Variants in SP140L observed in about 807,000 individuals in gnomAD.
SP140L encodes SP140 like nuclear body protein.
Under a neutral mutation model 84.3 loss-of-function variants are expected in SP140L, and 64 were observed. The observed-to-expected ratio is 0.76, with a 90% confidence interval of 0.62 to 0.94. SP140L has a LOEUF of 0.94. SP140L is among the 40% of genes least tolerant of loss of function. The pLI is 0.00. For missense variants in SP140L, 628 were observed against 692.5 expected (o/e 0.91, Z 1.05); for synonymous variants, 242 against 236.9 (o/e 1.02, Z -0.20).
intron 1 of SP140L, among the ~76,000 whole-genome samples, chr2:230,328,467 T>A (rs1482389666): frequency 6.6e-6 from 1 of 152,228 alleles, no homozygotes; most frequent in East Asian, 1.9e-4. Context: ...GGTGGAAATC[T>A]TAGAGATCTT....
intron 7 of SP140L, among the ~76,000 whole-genome samples, chr2:230,380,518 T>C (rs1354348381): frequency 6.6e-6 from 1 of 152,184 alleles, no homozygotes; most frequent in Non-Finnish European, 1.5e-5. Flanking sequence ...TGCACAAGTA[T>C]TAAGAGTACC....
intron 7 of SP140L, among the ~76,000 whole-genome samples, chr2:230,380,473 T>C (rs1458439912): frequency 6.6e-6 from 1 of 152,212 alleles, no homozygotes; most frequent in Admixed American, 6.5e-5. Context: ...TACTTCTGCA[T>C]GCATTCTTTT....
intron 16 of SP140L, 55 bp from the exon 17 acceptor site, chr2:230,401,311 A>G: frequency 6.2e-7 from 1 of 1,610,720 alleles, no homozygotes; most frequent in South Asian, 1.1e-5. Flanking sequence ...TGTCTCATGC[A>G]TGTGGGCTCA....
intron 7 of SP140L, among the ~76,000 whole-genome samples, chr2:230,379,429 G>A (rs1027571589): frequency 6.6e-6 from 1 of 152,010 alleles, no homozygotes; most frequent in Non-Finnish European, 1.5e-5. Context: ...CAAGGATCTT[G>A]TAATGGTTTC....
chr2:230,393,857 A>G (rs1414140531), intron 13 of SP140L, among the ~76,000 whole-genome samples: 3 of 152,220 alleles, frequency 2.0e-5, no homozygotes, highest in Non-Finnish European at 4.4e-5. Context: ...CATTGATGTT[A>G]TTATTTTCTA....
intron 2 of SP140L, among the ~76,000 whole-genome samples, chr2:230,337,443 T>C (rs1416339453): frequency 2.6e-5 from 4 of 151,938 alleles, no homozygotes; most frequent in African/African-American, 7.2e-5. Flanking sequence ...ATTTTGTAGG[T>C]TGCCTGTTCA....
chr2:230,385,813 C>G (rs1275943736), intron 9 of SP140L, among the ~76,000 whole-genome samples: 3 of 152,198 alleles, frequency 2.0e-5, no homozygotes, highest in Non-Finnish European at 2.9e-5. Flanking sequence ...CCTGGGCAAG[C>G]CTTAGTCTGG....
At chr2:230,367,578 G>A (rs1391144346) in intron 5 of SP140L, among the ~76,000 whole-genome samples, 1 of 152,054 alleles carries the variant, frequency 6.6e-6, no homozygotes, top group Non-Finnish European at 1.5e-5. Flanking sequence ...ACAGATGTGA[G>A]CCACTGCACC....
At chr2:230,344,754 T>C (rs1232843793) in intron 2 of SP140L, among the ~76,000 whole-genome samples, 2 of 152,220 alleles carry the variant, frequency 1.3e-5, no homozygotes, top group African/African-American at 4.8e-5. Flanking sequence ...TTTGGCTTCT[T>C]CTTTGACCTA....
chr2:230,357,429 T>TGCAA (rs2060582361), intron 2 of SP140L, among the ~76,000 whole-genome samples: 1 of 152,216 alleles, frequency 6.6e-6, no homozygotes, highest in African/African-American at 2.4e-5. Context: ...AGGTTAGATT[T>TGCAA]TTATTTATAT....
intron 2 of SP140L, among the ~76,000 whole-genome samples, chr2:230,355,890 A>G (rs988367734): frequency 1.3e-5 from 2 of 152,190 alleles, no homozygotes; most frequent in African/African-American, 4.8e-5. Flanking sequence ...GGGAAGCTAC[A>G]GACTGGGTGA....
chr2:230,336,622 T>G (rs1003584555), intron 2 of SP140L, among the ~76,000 whole-genome samples: 35 of 152,218 alleles, frequency 2.3e-4, no homozygotes, highest in African/African-American at 8.4e-4. Flanking sequence ...ACACATCTAC[T>G]TAACCCAGAA....
In SP140L at chr2:230,381,048, G is replaced by A. The variant is rs28735448; in HGVS notation, c.638-2462G>A. Among the ~76,000 whole-genome samples the A allele has an allele frequency of 8.7e-3, 1,328 of 152,194 alleles. 20 individuals carry two copies. The highest frequency in any genetic ancestry group is 0.031 in the African/African-American group (1,280 of 41,510). ...TCTTTCCCCTCAAGACCCAAGAAAAGGATGGTGCAGAGGAAGCCCAGGTGG... is the reference window on the plus strand; with the variant it reads ...TCTTTCCCCTCAAGACCCAAGAAAAAGATGGTGCAGAGGAAGCCCAGGTGG... On this transcript the variant is annotated intron_variant, in intron 7 of 18. Transcript: ENST00000415673.
rs567371825 is a variant in SP140L, at chr2:230,342,689, G to T, written c.107+13858G>T. Among the ~76,000 whole-genome samples the T allele has an allele frequency of 5.9e-5, 9 of 152,206 alleles. No homozygotes were observed. The South Asian group carries it at 1.7e-3, about 28-fold the overall frequency. Reference sequence around the variant, plus strand: ...TTATCCAATTTGTTGATGCATAATTGTTCATAGTAGCCTAATGATTCTTTG... The same window carrying T: ...TTATCCAATTTGTTGATGCATAATTTTTCATAGTAGCCTAATGATTCTTTG... On this transcript the variant is annotated intron_variant, in intron 2 of 18. Coordinates refer to ENST00000415673, the MANE Select transcript of SP140L (RefSeq NM_138402.6).
chr2:230,380,777 T>C (rs1431294375), intron 7 of SP140L, among the ~76,000 whole-genome samples: 1 of 152,198 alleles, frequency 6.6e-6, no homozygotes, highest in South Asian at 2.1e-4. Flanking sequence ...CAGCATGTTT[T>C]TGAGATTCAT....
chr2:230,400,877 G>A lies in SP140L; in HGVS notation c.1314-78G>A. ...ACTGAGCCCATCAGCCATTCCTGAAGGAAGACAGTGGTAGCCACAGGAACG... is the reference window on the plus strand; with the variant it reads ...ACTGAGCCCATCAGCCATTCCTGAAAGAAGACAGTGGTAGCCACAGGAACG... On this transcript the variant is annotated intron_variant, in intron 15 of 18. Transcript: ENST00000415673. 3.8e-6 allele frequency: 5 copies of A among 1,317,614 alleles called. No individual in the cohort carries two copies. The South Asian group carries it at 4.3e-5, about 11-fold the overall frequency. The allele number at this position is 1,317,614 out of a possible 1,614,324, so 81.6% of individuals were successfully genotyped here. A position where few individuals can be genotyped will look rare whatever the true frequency, so the allele number is the denominator to read the frequency against.
At chr2:230,401,956 A>T in intron 18 of SP140L, 149 bp downstream of exon 18, 1 of 997,432 alleles carries the variant, frequency 1.0e-6, no homozygotes, top group East Asian at 2.5e-5. Flanking sequence ...TTCAGAACTT[A>T]AGCTCTTCTT....
At chr2:230,395,541 T>C (rs1238616705) in intron 13 of SP140L, among the ~76,000 whole-genome samples, 2 of 152,146 alleles carry the variant, frequency 1.3e-5, no homozygotes, top group African/African-American at 2.4e-5. Flanking sequence ...GATTTTATCA[T>C]GGCATTCTAG....
intron 2 of SP140L, among the ~76,000 whole-genome samples, chr2:230,331,295 T>C (rs2059718427): frequency 1.3e-5 from 2 of 152,250 alleles, no homozygotes; most frequent in African/African-American, 2.4e-5. Flanking sequence ...TTATGCCTAA[T>C]TTATGTATAG....
Sources: allele counts gnomAD v4.1 joint callset (sites outside exome capture counted in the v4.1 genomes callset), GRCh38; gene constraint gnomAD v4.1.1; transcripts MANE v1.5; gene names NCBI Gene and HGNC (gene_info 2026-07-23, HGNC 2026-07-21).